SLC9A9: variants seen among roughly 807,000 people sequenced by gnomAD.
SLC9A9 encodes the protein solute carrier family 9 member A9.
SLC9A9 carries 62 observed loss-of-function variants against 77.8 expected under a neutral mutation model. The ratio of observed to expected loss-of-function variants is 0.80; its 90% CI spans 0.65 to 0.98. SLC9A9 has a LOEUF of 0.98. Ranked by LOEUF, SLC9A9 falls within the 50% of genes least tolerant of loss-of-function variation. The pLI, the probability that SLC9A9 is intolerant of heterozygous loss-of-function variation, is 0.00. For missense variants in SLC9A9, 775 were observed against 774.9 expected, an observed-to-expected ratio of 1.00 and a Z score of 0.00; for synonymous variants, 320 against 283.5, an observed-to-expected ratio of 1.13 and a Z score of -1.29.
intron 2 of SLC9A9, among the ~76,000 whole-genome samples, chr3:143,828,172 T>C (rs2009346944): frequency 6.6e-6 from 1 of 152,206 alleles, no homozygotes; most frequent in African/African-American, 2.4e-5. Flanking sequence ...GTATTATCCA[T>C]ATATGCACAG....
At chr3:143,601,469 T>C (rs1257049163) in intron 6 of SLC9A9, among the ~76,000 whole-genome samples, 1 of 152,236 alleles carries the variant, frequency 6.6e-6, no homozygotes, top group African/African-American at 2.4e-5. Context: ...TCAAGTTGAA[T>C]GACTTGGCGA....
intron 12 of SLC9A9, among the ~76,000 whole-genome samples, chr3:143,425,909 A>T (rs2034395849): frequency 6.6e-6 from 1 of 152,024 alleles, no homozygotes; most frequent in Non-Finnish European, 1.5e-5. Context: ...CTGAACTCTG[A>T]CCTTGACCCA....
chr3:143,660,911 T>C (rs1053059629), intron 5 of SLC9A9, among the ~76,000 whole-genome samples: 12 of 152,236 alleles, frequency 7.9e-5, no homozygotes, highest in African/African-American at 2.9e-4. Flanking sequence ...TTTTCAAATA[T>C]GTGTGCCTAT....
chr3:143,537,942 T>C (rs2108627333), intron 9 of SLC9A9, among the ~76,000 whole-genome samples: 1 of 152,368 alleles, frequency 6.6e-6, no homozygotes, highest in Middle Eastern at 3.4e-3. Flanking sequence ...GTGTCTGACT[T>C]CTTTCATTAG....
chr3:143,827,505 T>A (rs2009330440), intron 2 of SLC9A9, among the ~76,000 whole-genome samples: 1 of 152,228 alleles, frequency 6.6e-6, no homozygotes, highest in Non-Finnish European at 1.5e-5. Flanking sequence ...TGTTTAAACA[T>A]GGCATAAAAT....
At chr3:143,470,809 GTTA>G (rs2035364789) in intron 11 of SLC9A9, among the ~76,000 whole-genome samples, 2 of 152,108 alleles carry the variant, frequency 1.3e-5, no homozygotes, top group Admixed American at 6.5e-5. Flanking sequence ...ATAATGTATT[GTTA>G]TTATGTTAAA....
intron 12 of SLC9A9, among the ~76,000 whole-genome samples, chr3:143,449,946 TA>T (rs1407670510): frequency 2.7e-4 from 22 of 81,736 alleles, no homozygotes; most frequent in Middle Eastern, 0.014. Context: ...ATATATATTA[TA>T]ATATACATTA....
chr3:143,417,677 C>T (rs1297310689), intron 12 of SLC9A9, among the ~76,000 whole-genome samples: 1 of 151,942 alleles, frequency 6.6e-6, no homozygotes, highest in Non-Finnish European at 1.5e-5. Context: ...AGGAGGAGAG[C>T]CCACACCAGG....
intron 6 of SLC9A9, among the ~76,000 whole-genome samples, chr3:143,600,025 T>TA (rs200278439): frequency 2.0e-5 from 3 of 152,110 alleles, no homozygotes; most frequent in African/African-American, 4.8e-5. Flanking sequence ...TTTTTTTAAT[T>TA]AAAAAATTTT....
At chr3:143,452,482 G>A (rs1357937433) in intron 12 of SLC9A9, among the ~76,000 whole-genome samples, 17 of 89,300 alleles carry the variant, frequency 1.9e-4, no homozygotes, top group African/African-American at 6.8e-4. Flanking sequence ...CAAAAAAGAA[G>A]GAAAAACTGA....
chr3:143,757,159 A>G (rs1418463778), intron 4 of SLC9A9, among the ~76,000 whole-genome samples: 7 of 152,176 alleles, frequency 4.6e-5, no homozygotes, highest in Admixed American at 3.9e-4. Context: ...ACAATTCACA[A>G]CTCAAACCAA....
chr3:143,565,307 A>G (rs1427644690), intron 8 of SLC9A9, among the ~76,000 whole-genome samples: 3 of 152,184 alleles, frequency 2.0e-5, no homozygotes, highest in African/African-American at 7.2e-5. Flanking sequence ...TTCTGCATCC[A>G]CATGTTATTT....
intron 12 of SLC9A9, among the ~76,000 whole-genome samples, chr3:143,403,328 A>G (rs1349408546): frequency 6.6e-6 from 1 of 152,060 alleles, no homozygotes; most frequent in Non-Finnish European, 1.5e-5. Flanking sequence ...TGTCAAATAC[A>G]TATCTTTATA....
intron 12 of SLC9A9, among the ~76,000 whole-genome samples, chr3:143,388,519 A>C (rs6440170): frequency 0.55 from 83,245 of 152,038 alleles, 24,019 homozygotes; most frequent in African/African-American, 0.74. Flanking sequence ...AAGCATATAT[A>C]TATTTCATGA....
chr3:143,715,979 C>T (rs1576678003), intron 4 of SLC9A9, among the ~76,000 whole-genome samples: 1 of 152,238 alleles, frequency 6.6e-6, no homozygotes, highest in Admixed American at 6.5e-5. Context: ...TCTTACTACA[C>T]ACCAAGCCAC....
chr3:143,514,846 T>A (rs761534491), intron 9 of SLC9A9, among the ~76,000 whole-genome samples: 2 of 152,224 alleles, frequency 1.3e-5, no homozygotes, highest in Non-Finnish European at 2.9e-5. Context: ...AGTAAGACTG[T>A]TTTGCTTTTT....
At chr3:143,639,830 G>T (rs1365898298) in intron 6 of SLC9A9, among the ~76,000 whole-genome samples, 1 of 152,030 alleles carries the variant, frequency 6.6e-6, no homozygotes, top group Non-Finnish European at 1.5e-5. Flanking sequence ...TATGGGAAAG[G>T]CTGCTTTTAT....
Position 143,621,009 on chromosome 3 carries a change from C to T in SLC9A9, c.755+31246G>A, listed in dbSNP as rs941734490. Among the ~76,000 whole-genome samples, 13 of 152,288 alleles carry T rather than the reference C, an allele frequency of 8.5e-5. No individual in the cohort carries two copies. In the East Asian group the frequency reaches 1.2e-3, roughly 14 times the overall value. On this transcript the variant is annotated intron_variant, in intron 6 of 15. Transcript: ENST00000316549. ...AGAGGGTCCTATGCCCATGGAGCCT[C>T]GCTCATTGCTAGCACAGCAGTCTGA...
intron 14 of SLC9A9, among the ~76,000 whole-genome samples, chr3:143,350,120 T>C (rs889588040): frequency 1.3e-5 from 2 of 152,176 alleles, no homozygotes; most frequent in Non-Finnish European, 2.9e-5. Flanking sequence ...AGCAGACTTC[T>C]AGTCATGAGG....
Sources: allele counts gnomAD v4.1 joint callset (sites outside exome capture counted in the v4.1 genomes callset), GRCh38; gene constraint gnomAD v4.1.1; transcripts MANE v1.5; gene names NCBI Gene and HGNC (gene_info 2026-07-23, HGNC 2026-07-21).